IL1RAPL2: variants seen among roughly 807,000 people sequenced by gnomAD.
IL1RAPL2 encodes interleukin 1 receptor accessory protein like 2.
Under a neutral mutation model 44.1 loss-of-function variants are expected in IL1RAPL2, and 3 were observed. That is an observed-to-expected ratio of 0.07 (90% confidence interval 0.03 to 0.18). The LOEUF (loss-of-function observed/expected upper bound fraction) is 0.18, where lower values mean the gene tolerates loss of function less well. Among genes scored for constraint, IL1RAPL2 ranks in the 10% least tolerant of loss-of-function variants. IL1RAPL2 has a pLI of 1.00. For synonymous variants in IL1RAPL2, 181 were observed against 178.8 expected (o/e 1.01, Z -0.10); for missense variants, 391 against 496.4 (o/e 0.79, Z 2.02).
Position 105,187,267 on chromosome X carries a change from G to T in IL1RAPL2, c.83-8208G>T, listed in dbSNP as rs186394096. Among the ~76,000 whole-genome samples the T allele has an allele frequency of 7.3e-3, 818 of 111,579 alleles. 5 individuals are homozygous for T. The highest frequency in any genetic ancestry group is 0.019 in the Middle Eastern group (4 of 216). ...ATTATTTTCCTTCCAGCCTTTTAAG[G>T]CCTATTTTATTTAAACAATAGAGAT... On this transcript the variant is annotated intron_variant, in intron 2 of 10. Coordinates refer to ENST00000372582, the MANE Select transcript of IL1RAPL2 (RefSeq NM_017416.2).
intron 5 of IL1RAPL2, among the ~76,000 whole-genome samples, chrX:105,432,931 T>C (rs1363663740): frequency 9.0e-6 from 1 of 111,295 alleles, no homozygotes; most frequent in Non-Finnish European, 1.9e-5. Context: ...TTTTTTTGTC[T>C]TGGTGGCAGA....
chrX:104,610,508 T>C (rs184000938), intron 1 of IL1RAPL2, among the ~76,000 whole-genome samples: 223 of 112,282 alleles, frequency 2.0e-3, no homozygotes, highest in African/African-American at 7.0e-3. Flanking sequence ...AGCCAAATCA[T>C]GAGTGAACTC....
intron 4 of IL1RAPL2, among the ~76,000 whole-genome samples, chrX:105,248,498 G>C (rs952503747): frequency 9.0e-6 from 1 of 111,186 alleles, no homozygotes; most frequent in Non-Finnish European, 1.9e-5. Flanking sequence ...AAGTGATCTT[G>C]TTTAAACAAT....
chrX:105,572,677 T>C lies in IL1RAPL2; in HGVS notation c.772+88290T>C, dbSNP rs182920002. On this transcript the variant is annotated intron_variant, in intron 6 of 10. Coordinates refer to ENST00000372582, the MANE Select transcript of IL1RAPL2 (RefSeq NM_017416.2). ...GTCTTTGTTTTTGTAAATAAAGTTT[T>C]ATTTGAACACAGTTATGCACATTCA... 6.0e-5 allele frequency among the ~76,000 whole-genome samples: 5 copies of C among 82,833 alleles called. No homozygotes were observed. In the East Asian group the frequency reaches 2.6e-3, roughly 43 times the overall value. The allele number at this position is 82,833 out of a possible 115,157, so 71.9% of individuals were successfully genotyped here.
At chrX:104,827,378 T>C (rs776022824) in intron 2 of IL1RAPL2, among the ~76,000 whole-genome samples, 5 of 111,457 alleles carry the variant, frequency 4.5e-5, no homozygotes, top group African/African-American at 9.8e-5. Flanking sequence ...TCTCCTTCCC[T>C]TATGAAGCTT....
chrX:104,805,742 C>T (rs903371859), intron 2 of IL1RAPL2, among the ~76,000 whole-genome samples: 5 of 112,122 alleles, frequency 4.5e-5, no homozygotes, highest in African/African-American at 6.5e-5. Flanking sequence ...TGCATACTTA[C>T]TATGTGCTAG....
chrX:105,423,962 C>G lies in IL1RAPL2; in HGVS notation c.698-60351C>G, dbSNP rs192812305. Among the ~76,000 whole-genome samples, 4 of 110,828 alleles carry G rather than the reference C, an allele frequency of 3.6e-5. No individual in the cohort carries two copies. The East Asian group carries it at 1.1e-3, about 32-fold the overall frequency. ...ATTATCTGGAGGGGGTGCTCCTAGACCTAAGCAAATTTTCCTATTGGTTTG... is the reference window on the plus strand; with the variant it reads ...ATTATCTGGAGGGGGTGCTCCTAGAGCTAAGCAAATTTTCCTATTGGTTTG... On this transcript the variant is annotated intron_variant, in intron 5 of 10. Transcript: ENST00000372582.
chrX:105,060,763 G>T (rs1368868953), intron 2 of IL1RAPL2, among the ~76,000 whole-genome samples: 2 of 108,703 alleles, frequency 1.8e-5, no homozygotes, highest in Admixed American at 2.0e-4. Context: ...ATTTCTTTAT[G>T]ATTTAATCTT....
chrX:104,983,784 G>C (rs1307397080), intron 2 of IL1RAPL2, among the ~76,000 whole-genome samples: 2 of 106,026 alleles, frequency 1.9e-5, no homozygotes, highest in Non-Finnish European at 3.9e-5. Context: ...CAGTTAGTGA[G>C]GTTACTTTCT....
In IL1RAPL2 at chrX:105,085,647, T is replaced by C. The variant is rs373309016; in HGVS notation, c.83-109828T>C. Among the ~76,000 whole-genome samples, 24 of 111,818 alleles carry C rather than the reference T, an allele frequency of 2.1e-4. No individual in the cohort carries two copies. The East Asian group carries it at 6.2e-3, about 29-fold the overall frequency. ...AAAAACTAAAACTAGAACTTCCATA[T>C]GATCCAGCAATTCCATTCCTGGGTA... On this transcript the variant is annotated intron_variant, in intron 2 of 10. Coordinates refer to ENST00000372582, the MANE Select transcript of IL1RAPL2 (RefSeq NM_017416.2).
intron 5 of IL1RAPL2, among the ~76,000 whole-genome samples, chrX:105,401,925 A>C (rs749880300): frequency 4.5e-5 from 5 of 110,232 alleles, no homozygotes; most frequent in African/African-American, 1.3e-4. Context: ...ATTAATTAGC[A>C]TACATTTTAA....
At chrX:105,587,184 T>C (rs1176699948) in intron 6 of IL1RAPL2, among the ~76,000 whole-genome samples, 2 of 112,046 alleles carry the variant, frequency 1.8e-5, no homozygotes, top group African/African-American at 6.5e-5. Context: ...GTATTCCTTC[T>C]TGAATCAAAA....
intron 2 of IL1RAPL2, among the ~76,000 whole-genome samples, chrX:104,971,626 C>G (rs2030238730): frequency 9.0e-6 from 1 of 110,996 alleles, no homozygotes; most frequent in Non-Finnish European, 1.9e-5. Flanking sequence ...CTACATTTGC[C>G]AAAGAGTCCA....
intron 2 of IL1RAPL2, among the ~76,000 whole-genome samples, chrX:105,116,945 A>G (rs1054141756): frequency 1.8e-5 from 2 of 112,178 alleles, no homozygotes; most frequent in African/African-American, 6.5e-5. Flanking sequence ...TATTTCGGAA[A>G]GACTCTCTTA....
At chrX:105,005,523 C>T (rs2030926297) in intron 2 of IL1RAPL2, among the ~76,000 whole-genome samples, 1 of 111,380 alleles carries the variant, frequency 9.0e-6, no homozygotes, top group African/African-American at 3.3e-5. Flanking sequence ...TGAAGCACTG[C>T]TCCATTGCAT....
rs1055514124 is a variant in IL1RAPL2 at position 105,065,290 on chromosome X, T to C, written c.83-130185T>C. ...TATTTTGACATACAATAGATCTTCT[T>C]GGATGGGTTTTGCTGACAACCTGTG... On this transcript the variant is annotated intron_variant, in intron 2 of 10. Transcript: ENST00000372582. Among the ~76,000 whole-genome samples the C allele has an allele frequency of 1.5e-4, 17 of 111,988 alleles. No individual in the cohort carries two copies. In the Admixed American group the frequency reaches 1.5e-3, roughly 10 times the overall value.
chrX:104,721,772 C>T (rs189095744), intron 2 of IL1RAPL2, among the ~76,000 whole-genome samples: 1 of 111,524 alleles, frequency 9.0e-6, no homozygotes, highest in East Asian at 2.8e-4. Flanking sequence ...TTAACAAATA[C>T]CTTTCTTTAA....
At chrX:105,749,634 C>G (rs1028409452) in intron 9 of IL1RAPL2, among the ~76,000 whole-genome samples, 6 of 112,035 alleles carry the variant, frequency 5.4e-5, no homozygotes, top group African/African-American at 1.9e-4. Flanking sequence ...CTTATAGCAC[C>G]ATTCTCAAAG....
intron 2 of IL1RAPL2, among the ~76,000 whole-genome samples, chrX:104,894,188 C>A (rs1359959158): frequency 9.0e-6 from 1 of 111,622 alleles, no homozygotes; most frequent in African/African-American, 3.3e-5. Flanking sequence ...TGTGGGTAAC[C>A]CGACCTTTCT....
Sources: gnomAD v4.1 joint callset for allele counts (sites outside exome capture counted in the v4.1 genomes callset) on GRCh38, gnomAD v4.1.1 for gene constraint, MANE v1.5 for transcripts, NCBI Gene and HGNC (gene_info 2026-07-23, HGNC 2026-07-21) for gene names.